GRB2: variants seen among roughly 807,000 people sequenced by gnomAD.
GRB2 encodes growth factor receptor-bound protein 2.
A neutral mutation model predicts 27.4 loss-of-function variants in GRB2; 2 were observed. The ratio of observed to expected loss-of-function variants is 0.07; its 90% CI spans 0.03 to 0.23. The LOEUF (loss-of-function observed/expected upper bound fraction) is 0.23. Ranked by LOEUF, GRB2 falls within the 10% of genes least tolerant of loss-of-function variation. The pLI, the probability that GRB2 is intolerant of heterozygous loss-of-function variation, is 1.00. For missense variants in GRB2, 102 were observed against 282.4 expected (o/e 0.36, Z 4.58); for synonymous variants, 94 against 99.6 (o/e 0.94, Z 0.33).
chr17:75,335,356 G>A (rs1376725219), intron 2 of GRB2, among the ~76,000 whole-genome samples: 1 of 152,156 alleles, frequency 6.6e-6, no homozygotes, highest in Non-Finnish European at 1.5e-5. Flanking sequence ...AAAGTTCTGA[G>A]AGGAAACTGG....
chr17:75,391,017 G>A (rs974880319), intron 2 of GRB2, among the ~76,000 whole-genome samples: 1 of 152,142 alleles, frequency 6.6e-6, no homozygotes, highest in African/African-American at 2.4e-5. Flanking sequence ...ACTTCTTGAA[G>A]AATCAAATGA....
chr17:75,392,524 A>AG (rs1411288897), intron 2 of GRB2, among the ~76,000 whole-genome samples: 1 of 152,176 alleles, frequency 6.6e-6, no homozygotes, highest in East Asian at 1.9e-4. Flanking sequence ...CCTTTTATAA[A>AG]GAACCATATT....
intron 1 of GRB2, among the ~76,000 whole-genome samples, chr17:75,404,178 G>A (rs1412109972): frequency 6.6e-6 from 1 of 151,528 alleles, no homozygotes; most frequent in African/African-American, 2.4e-5. Flanking sequence ...GAAAACATAA[G>A]CAGGCACAGA....
At chr17:75,341,302 G>C (rs2078618983) in intron 2 of GRB2, among the ~76,000 whole-genome samples, 1 of 151,522 alleles carries the variant, frequency 6.6e-6, no homozygotes, top group African/African-American at 2.4e-5. Context: ...GCTTGGTGGT[G>C]CGTGCCTGTA....
chr17:75,392,870 G>C (rs147819023), intron 2 of GRB2, among the ~76,000 whole-genome samples: 2 of 152,292 alleles, frequency 1.3e-5, no homozygotes, highest in Non-Finnish European at 2.9e-5. Flanking sequence ...ACATGGTATA[G>C]AAGCTGATTT....
intron 2 of GRB2, among the ~76,000 whole-genome samples, chr17:75,382,689 T>C (rs1465973022): frequency 6.8e-6 from 1 of 147,490 alleles, no homozygotes; most frequent in Non-Finnish European, 1.5e-5. Flanking sequence ...GCATTATCTA[T>C]GGCATCCTAA....
chr17:75,352,763 T>C (rs1398421700), intron 2 of GRB2, among the ~76,000 whole-genome samples: 1 of 152,154 alleles, frequency 6.6e-6, no homozygotes. Context: ...AAATCAATAA[T>C]GATTAAGGCT....
intron 2 of GRB2, among the ~76,000 whole-genome samples, chr17:75,366,089 A>G (rs1172789898): frequency 6.6e-6 from 1 of 152,178 alleles, no homozygotes; most frequent in Non-Finnish European, 1.5e-5. Context: ...CCAGTAGTAG[A>G]ACAGTTAAAT....
chr17:75,402,860 G>A (rs1398418924), intron 1 of GRB2, among the ~76,000 whole-genome samples: 2 of 151,866 alleles, frequency 1.3e-5, no homozygotes, highest in African/African-American at 4.8e-5. Flanking sequence ...TGGATCACCT[G>A]AAGTCGGGAG....
At chr17:75,378,693 T>C (rs1211735407) in intron 2 of GRB2, among the ~76,000 whole-genome samples, 1 of 152,170 alleles carries the variant, frequency 6.6e-6, no homozygotes, top group African/African-American at 2.4e-5. Context: ...GCAGATACAG[T>C]GTGACTTTCT....
At chr17:75,381,940 C>T (rs930650067) in intron 2 of GRB2, among the ~76,000 whole-genome samples, 1 of 151,358 alleles carries the variant, frequency 6.6e-6, no homozygotes, top group Non-Finnish European at 1.5e-5. Flanking sequence ...TTTTGTTAAA[C>T]CTAGATTTTA....
At chr17:75,343,768 T>A (rs975244129) in intron 2 of GRB2, among the ~76,000 whole-genome samples, 1 of 152,158 alleles carries the variant, frequency 6.6e-6, no homozygotes, top group Non-Finnish European at 1.5e-5. Flanking sequence ...CATGTGGAAG[T>A]CCTATTTGGT....
At chr17:75,391,077 C>T (rs2078995273) in intron 2 of GRB2, among the ~76,000 whole-genome samples, 1 of 152,142 alleles carries the variant, frequency 6.6e-6, no homozygotes, top group African/African-American at 2.4e-5. Flanking sequence ...CATGTTCCTC[C>T]TCTTCACCCA....
chr17:75,367,079 C>T (rs183234243), intron 2 of GRB2, among the ~76,000 whole-genome samples: 169 of 152,186 alleles, frequency 1.1e-3, no homozygotes, highest in African/African-American at 3.5e-3. Context: ...TTACGAGGCA[C>T]AAATAAAATT....
chr17:75,355,887 G>T (rs1038308748), intron 2 of GRB2, among the ~76,000 whole-genome samples: 1 of 146,592 alleles, frequency 6.8e-6, no homozygotes, highest in Non-Finnish European at 1.5e-5. Flanking sequence ...GTGGAGTACA[G>T]TGGCGTGATC....
At chr17:75,329,943 A>G (rs920583402) in intron 3 of GRB2, among the ~76,000 whole-genome samples, 2 of 152,230 alleles carry the variant, frequency 1.3e-5, no homozygotes, top group African/African-American at 4.8e-5. Flanking sequence ...GATGATATGT[A>G]CATGTGACTA....
intron 1 of GRB2, among the ~76,000 whole-genome samples, chr17:75,402,870 G>A (rs1247588500): frequency 6.6e-6 from 1 of 151,790 alleles, no homozygotes; most frequent in Non-Finnish European, 1.5e-5. Context: ...GAAGTCGGGA[G>A]TTCCAGACCA....
intron 2 of GRB2, among the ~76,000 whole-genome samples, chr17:75,365,826 A>G (rs574155288): frequency 9.9e-5 from 15 of 152,252 alleles, no homozygotes; most frequent in South Asian, 2.1e-4. Flanking sequence ...GAATGGCTAG[A>G]GGAATGGACT....
At position 75,349,508 on chromosome 17, in the gene GRB2, CTTTTTTT is replaced by C. The variant is rs36010389; in HGVS notation, c.79-16718_79-16712del. ...GAGCCTTCTGTTTTCATAACTCAGA[CTTTTTTT>C]TTTTTTTTTTTTTGAGACAGAGTCT... On this transcript the variant is annotated intron_variant, in intron 2 of 5. Transcript: ENST00000316804. 2.8e-4 allele frequency among the ~76,000 whole-genome samples: 32 copies of C among 115,910 alleles called. 1 individual carries two copies. Among genetic ancestry groups the C allele is most frequent in the Non-Finnish European group, 6.9e-5 (4 of 58,094 alleles). The allele number at this position is 115,910 out of a possible 152,430, so 76.0% of individuals were successfully genotyped here.
Sources: allele counts gnomAD v4.1 joint callset (sites outside exome capture counted in the v4.1 genomes callset), GRCh38; gene constraint gnomAD v4.1.1; transcripts MANE v1.5; gene names NCBI Gene and HGNC (gene_info 2026-07-23, HGNC 2026-07-21).